Variants in CSMD1 observed in about 807,000 individuals in gnomAD.
The protein encoded by CSMD1 is CUB and sushi domain-containing protein 1.
Under a neutral mutation model 417.5 loss-of-function variants are expected in CSMD1, and 213 were observed. The ratio of observed to expected loss-of-function variants is 0.51; its 90% CI spans 0.46 to 0.57. CSMD1 has a LOEUF of 0.57. CSMD1 is among the 20% of genes least tolerant of loss of function. The probability of loss-of-function intolerance (pLI) is 0.00; values close to 1 mark genes in which losing one functional copy is unlikely to be tolerated. For missense variants in CSMD1, 6,923 were observed against 4,529.7 expected, an observed-to-expected ratio of 1.53 and a Z score of -15.17; for synonymous variants, 2,862 against 1,736.8, an observed-to-expected ratio of 1.65 and a Z score of -16.11.
intron 7 of CSMD1, among the ~76,000 whole-genome samples, chr8:3,690,849 G>A (rs897860032): frequency 6.6e-6 from 1 of 151,792 alleles, no homozygotes; most frequent in Non-Finnish European, 1.5e-5. Context: ...TTGAATAGGT[G>A]GTCTAATTAC....
intron 40 of CSMD1, among the ~76,000 whole-genome samples, chr8:3,145,387 A>G (rs964897688): frequency 4.6e-5 from 7 of 152,204 alleles, no homozygotes; most frequent in African/African-American, 1.7e-4. Flanking sequence ...TTTGAAATTC[A>G]TGAACCGGCA....
At chr8:4,077,027 G>C (rs191019962) in intron 3 of CSMD1, among the ~76,000 whole-genome samples, 5 of 152,038 alleles carry the variant, frequency 3.3e-5, no homozygotes, top group African/African-American at 9.6e-5. Context: ...GCAACTCTAG[G>C]TAATTCTGTA....
At chr8:4,702,003 C>T (rs2116822534) in intron 1 of CSMD1, among the ~76,000 whole-genome samples, 1 of 152,314 alleles carries the variant, frequency 6.6e-6, no homozygotes, top group East Asian at 1.9e-4. Context: ...CAAACTAACT[C>T]AGGAACAGAA....
chr8:4,319,533 A>C (rs528198965), intron 3 of CSMD1, among the ~76,000 whole-genome samples: 25 of 152,284 alleles, frequency 1.6e-4, no homozygotes, highest in Middle Eastern at 3.4e-3. Context: ...AAACAAACAA[A>C]CAAAGTCACA....
intron 1 of CSMD1, among the ~76,000 whole-genome samples, chr8:4,932,842 C>T (rs559806768): frequency 5.3e-5 from 8 of 152,200 alleles, no homozygotes; most frequent in Non-Finnish European, 1.5e-5. Flanking sequence ...TTTTCAACTA[C>T]AGGTCCTGTC....
At chr8:3,542,402 C>T (rs909741889) in intron 10 of CSMD1, among the ~76,000 whole-genome samples, 2 of 152,096 alleles carry the variant, frequency 1.3e-5, no homozygotes, top group African/African-American at 2.4e-5. Flanking sequence ...TAGCACCTAC[C>T]CTGTTCCAGA....
chr8:4,241,347 G>C (rs1483633649), intron 3 of CSMD1, among the ~76,000 whole-genome samples: 2 of 152,128 alleles, frequency 1.3e-5, no homozygotes, highest in African/African-American at 4.8e-5. Context: ...TTTTCCTTCA[G>C]TTCTCACCTT....
At chr8:3,972,190 A>G (rs912064494) in intron 5 of CSMD1, among the ~76,000 whole-genome samples, 2 of 151,982 alleles carry the variant, frequency 1.3e-5, no homozygotes, top group Non-Finnish European at 2.9e-5. Context: ...CATAGATGTG[A>G]TTTCCTATCA....
In CSMD1 at chr8:4,726,242, G is replaced by A. The variant is rs371383349; in HGVS notation, c.86-88684C>T. On this transcript the variant is annotated intron_variant, in intron 1 of 69. Transcript: ENST00000635120. The stretch of plus-strand genomic sequence containing the variant: ...CCATATTAGGGTCAGAAAAACTCTT[G>A]TGTGTTTCTACAGCCTTGCCCCGCT... Among the ~76,000 whole-genome samples the A allele has an allele frequency of 1.7e-3, 252 of 151,784 alleles. 9 individuals are homozygous for A. In the South Asian group the frequency reaches 0.051, roughly 31 times the overall value.
chr8:3,389,917 C>T (rs1383570469), intron 17 of CSMD1, among the ~76,000 whole-genome samples: 2 of 152,106 alleles, frequency 1.3e-5, no homozygotes, highest in Admixed American at 6.5e-5. Context: ...ACATTGTTCT[C>T]GTTTTCATTA....
At chr8:3,631,549 G>A (rs1038626026) in intron 7 of CSMD1, among the ~76,000 whole-genome samples, 1 of 152,184 alleles carries the variant, frequency 6.6e-6, no homozygotes, top group Non-Finnish European at 1.5e-5. Context: ...AAATAGAAAG[G>A]TTTGCAAACA....
At chr8:4,250,606 T>C (rs1324192195) in intron 3 of CSMD1, among the ~76,000 whole-genome samples, 2 of 152,182 alleles carry the variant, frequency 1.3e-5, no homozygotes, top group South Asian at 2.1e-4. Context: ...AATTGATAGG[T>C]CTACCAAAAT....
chr8:4,013,852 A>C (rs1434015050), intron 4 of CSMD1, among the ~76,000 whole-genome samples: 3 of 152,182 alleles, frequency 2.0e-5, no homozygotes, highest in African/African-American at 7.2e-5. Flanking sequence ...ACAGTGACAG[A>C]CAAGGGTAGC....
chr8:3,937,648 C>G (rs1007953320), intron 5 of CSMD1, among the ~76,000 whole-genome samples: 1 of 152,132 alleles, frequency 6.6e-6, no homozygotes, highest in Non-Finnish European at 1.5e-5. Flanking sequence ...CATCTGAAGC[C>G]AAACTTGCAA....
intron 41 of CSMD1, among the ~76,000 whole-genome samples, chr8:3,122,537 C>T (rs1287767497): frequency 6.6e-6 from 1 of 152,150 alleles, no homozygotes; most frequent in African/African-American, 2.4e-5. Flanking sequence ...TTGTATCTCC[C>T]AGAATTCCCA....
At chr8:3,908,519 C>T (rs1009352547) in intron 5 of CSMD1, among the ~76,000 whole-genome samples, 1 of 152,104 alleles carries the variant, frequency 6.6e-6, no homozygotes, top group African/African-American at 2.4e-5. Context: ...CAAAACAAAA[C>T]AAAAAAACTC....
chr8:3,449,178 G>A (rs571027835), intron 12 of CSMD1, among the ~76,000 whole-genome samples: 2 of 152,240 alleles, frequency 1.3e-5, no homozygotes, highest in Admixed American at 6.5e-5. Context: ...GTTGGTGGGG[G>A]GAATCAGTTC....
intron 5 of CSMD1, among the ~76,000 whole-genome samples, chr8:3,931,458 G>A (rs964382013): frequency 1.3e-5 from 2 of 150,134 alleles, no homozygotes; most frequent in African/African-American, 2.5e-5. Context: ...TAAACCTCCT[G>A]ACAATTCATC....
At chr8:3,114,763 T>C (rs888183397) in intron 42 of CSMD1, among the ~76,000 whole-genome samples, 14 of 152,308 alleles carry the variant, frequency 9.2e-5, no homozygotes, top group Admixed American at 7.8e-4. Context: ...TATTTACCAA[T>C]CAGCTTGGTA....
Sources: gnomAD v4.1 joint callset for allele counts (sites outside exome capture counted in the v4.1 genomes callset) on GRCh38, gnomAD v4.1.1 for gene constraint, MANE v1.5 for transcripts, NCBI Gene and HGNC (gene_info 2026-07-23, HGNC 2026-07-21) for gene names.